Variants in SORT1 observed in about 807,000 individuals in gnomAD.
SORT1 encodes sortilin.
A neutral mutation model predicts 101.7 loss-of-function variants in SORT1; 39 were observed. That is an observed-to-expected ratio of 0.38 (90% CI 0.30 to 0.50). The LOEUF is 0.50. Ranked by LOEUF, SORT1 falls within the 20% of genes least tolerant of loss-of-function variation. The probability of loss-of-function intolerance (pLI) is 0.90; values close to 1 mark genes in which losing one functional copy is unlikely to be tolerated. For missense variants in SORT1, 878 were observed against 1,040.4 expected (o/e 0.84, Z 2.15); for synonymous variants, 396 against 393.7 (o/e 1.01, Z -0.07).
chr1:109,342,243 T>A, intron 8 of SORT1, 85 bp from the exon 9 acceptor site: 2 of 1,011,954 alleles, frequency 2.0e-6, no homozygotes, highest in Non-Finnish European at 3.0e-6. Context: ...TTTAAATAAC[T>A]ACTATTATCC....
chr1:109,372,682 G>A (rs1651555783), intron 1 of SORT1, among the ~76,000 whole-genome samples: 1 of 152,004 alleles, frequency 6.6e-6, no homozygotes, highest in African/African-American at 2.4e-5. Context: ...ACTTTGGGAG[G>A]CCGAGACAGG....
chr1:109,385,101 GAAAAGAAATAGGACCAAACTCT>G (rs2101652085), intron 1 of SORT1, among the ~76,000 whole-genome samples: 1 of 152,084 alleles, frequency 6.6e-6, no homozygotes, highest in South Asian at 2.1e-4. Flanking sequence ...ACAACAAAAA[GAAAAGAAATAGGACCAAACTCT>G]CTCCCTATTA....
At chr1:109,336,927 C>T (rs4603158) in intron 10 of SORT1, among the ~76,000 whole-genome samples, 98,380 of 152,024 alleles carry the variant, frequency 0.65, 33,704 homozygotes, top group East Asian at 0.96. Flanking sequence ...TAACTCCTTA[C>T]CAACATGAAC....
Position 109,313,572 on chromosome 1 carries a change from T to TG in SORT1, c.*470dup, listed in dbSNP as rs1658849195. Reference sequence around the variant, plus strand: ...AAGCCGGCCAGGCTGTGCCAGCCTCTGCAGCCTGTTTTCATCTCTACAGCT... The same window carrying TG: ...AAGCCGGCCAGGCTGTGCCAGCCTCTGGCAGCCTGTTTTCATCTCTACAGCT... On this transcript the variant is annotated 3_prime_UTR_variant, in exon 20 of 20. Transcript: ENST00000256637. 5.9e-6 allele frequency: 1 copy of TG among 169,730 alleles called. No individual in the cohort carries two copies. The highest frequency in any genetic ancestry group is 1.3e-5 in the Non-Finnish European group (1 of 78,484). 10.5% of individuals were successfully genotyped at this position (169,730 alleles called of 1,614,324 possible).
chr1:109,334,007 G>A (rs1054997737), intron 11 of SORT1, among the ~76,000 whole-genome samples: 2 of 152,128 alleles, frequency 1.3e-5, no homozygotes, highest in African/African-American at 4.8e-5. Context: ...TTAGCCGGGC[G>A]TGGTGGCACA....
intron 3 of SORT1, among the ~76,000 whole-genome samples, chr1:109,355,693 G>C (rs923309809): frequency 7.6e-6 from 1 of 130,906 alleles, no homozygotes; most frequent in Non-Finnish European, 1.6e-5. Context: ...TTCAGGAATC[G>C]GGGAGTGACT....
intron 5 of SORT1, among the ~76,000 whole-genome samples, chr1:109,352,925 G>T (rs1650057819): frequency 6.6e-6 from 1 of 152,164 alleles, no homozygotes. Flanking sequence ...CTCCCTTATA[G>T]TGCTTTCAGC....
At chr1:109,351,966 GT>G (rs1200366427) in intron 5 of SORT1, among the ~76,000 whole-genome samples, 895 of 4,020 alleles carry the variant, frequency 0.22, 7 homozygotes, top group East Asian at 0.5. Context: ...AGAGGTAGGG[GT>G]GTGTGTGTGT....
At chr1:109,391,115 GC>G in intron 1 of SORT1, among the ~76,000 whole-genome samples, 1 of 152,198 alleles carries the variant, frequency 6.6e-6, no homozygotes, top group South Asian at 2.1e-4. Context: ...CAAGCTAGTA[GC>G]TTTTATTAGC....
intron 17 of SORT1, 140 bp from the exon 18 acceptor site, chr1:109,314,918 C>T: frequency 1.8e-6 from 1 of 559,370 alleles, no homozygotes; most frequent in Non-Finnish European, 3.3e-6. Context: ...TTTTCCAACC[C>T]CCCAAGATGA....
At chr1:109,381,612 A>ATAATCCTAG (rs2101647252) in intron 1 of SORT1, among the ~76,000 whole-genome samples, 2 of 152,276 alleles carry the variant, frequency 1.3e-5, no homozygotes, top group African/African-American at 4.8e-5. Context: ...GCTCACACCT[A>ATAATCCTAG]TAATCCTAGT....
chr1:109,326,817 A>G, intron 13 of SORT1, 175 bp downstream of exon 13: 2 of 487,184 alleles, frequency 4.1e-6, no homozygotes, highest in Non-Finnish European at 7.2e-6. Context: ...AAGAAAAAAC[A>G]ATGCCATTTA....
intron 6 of SORT1, among the ~76,000 whole-genome samples, chr1:109,349,980 G>A (rs1278773481): frequency 6.6e-6 from 1 of 152,116 alleles, no homozygotes; most frequent in Non-Finnish European, 1.5e-5. Flanking sequence ...TACTAACACA[G>A]GTGTACTTTC....
chr1:109,387,683 G>A (rs772386261), intron 1 of SORT1, among the ~76,000 whole-genome samples: 1 of 152,094 alleles, frequency 6.6e-6, no homozygotes, highest in Non-Finnish European at 1.5e-5. Flanking sequence ...GGCTGGGCGC[G>A]GTGGCTCACG....
At chr1:109,319,304 C>T (rs958107301) in intron 15 of SORT1, among the ~76,000 whole-genome samples, 4 of 152,190 alleles carry the variant, frequency 2.6e-5, no homozygotes, top group African/African-American at 9.7e-5. Flanking sequence ...TGACAATCTC[C>T]AGGGCTGACT....
intron 8 of SORT1, among the ~76,000 whole-genome samples, chr1:109,344,326 C>A (rs1033130450): frequency 2.6e-5 from 4 of 152,198 alleles, no homozygotes; most frequent in Non-Finnish European, 5.9e-5. Context: ...TGCTCACAAC[C>A]CTCTCACAGC....
chr1:109,317,120 T>G (rs1647271665), intron 16 of SORT1, among the ~76,000 whole-genome samples, 162 bp from the exon 17 acceptor site: 1 of 152,104 alleles, frequency 6.6e-6, no homozygotes, highest in African/African-American at 2.4e-5. Context: ...TGGGGGATAT[T>G]TTGTGTAGTT....
chr1:109,354,528 C>G lies in SORT1; in HGVS notation c.547G>C (p.Val183Leu). Reference sequence around the variant, plus strand: ...CCTCCAGACACCTCTGCTGTTAACACCACCTGATAGGAAGAGGAAAGATCT... The same window carrying G: ...CCTCCAGACACCTCTGCTGTTAACAGCACCTGATAGGAAGAGGAAAGATCT... ...AIGPENSGKV[V>L]LTAEVSGGSR... is the part of the protein sequence containing the mutation. The change falls in exon 5 of 20, where the codon GTG (valine) becomes CTG (leucine). Residue 183 changes from valine to leucine, a missense_variant. By Grantham distance (32) the Val-to-Leu change is conservative. Coordinates refer to ENST00000256637, the MANE Select transcript of SORT1 (RefSeq NM_002959.7). 1 of 1,611,290 alleles carries G rather than the reference C, an allele frequency of 6.2e-7. No individual in the cohort carries two copies. Among genetic ancestry groups the G allele is most frequent in the Non-Finnish European group, 8.5e-7 (1 of 1,177,918 alleles).
rs1649161164 is a variant in SORT1 at position 109,340,739 on chromosome 1, T to C, written c.1249A>G (p.Ser417Gly). The change falls in exon 10 of 20, where the codon AGC (serine) becomes GGC (glycine). Residue 417 changes from serine to glycine, a missense_variant. Coordinates refer to ENST00000256637, the MANE Select transcript of SORT1 (RefSeq NM_002959.7). Reference protein sequence around the residue: ...VTSLRGVYITSVLSEDNSIQT... With the variant: ...VTSLRGVYITGVLSEDNSIQT... ...CGAGACTCACCTTCGGAGAGCACGC[T>C]TGTTATGTAGACGCCGCGGAGGGAG... 1.2e-6 allele frequency: 2 copies of C among 1,614,064 alleles called. No individual in the cohort carries two copies. Among genetic ancestry groups the C allele is most frequent in the Non-Finnish European group, 1.7e-6 (2 of 1,179,996 alleles).
Sources: allele counts gnomAD v4.1 joint callset (sites outside exome capture counted in the v4.1 genomes callset), GRCh38; gene constraint gnomAD v4.1.1; transcripts MANE v1.5; gene names NCBI Gene and HGNC (gene_info 2026-07-23, HGNC 2026-07-21).